The following CAST variants were observed in gnomAD, a reference collection of about 807,000 sequenced individuals.
The protein encoded by CAST is MIR583 host.
In CAST, 76 loss-of-function variants were observed where a neutral mutation model predicts 119.6. That is an observed-to-expected ratio of 0.64 (90% CI 0.53 to 0.77). The LOEUF is 0.77. CAST is among the 30% of genes least tolerant of loss of function. CAST has a pLI of 0.00. For synonymous variants in CAST, 319 were observed against 331.6 expected, an observed-to-expected ratio of 0.96 and a Z score of 0.41; for missense variants, 953 against 946.5, an observed-to-expected ratio of 1.01 and a Z score of -0.09.
chr5:96,478,818 T>C, the CAST span, among the ~76,000 whole-genome samples: 4 of 152,204 alleles, frequency 2.6e-5, no homozygotes, highest in Non-Finnish European at 5.9e-5. Flanking sequence ...GGCACTGACA[T>C]TGGAGCTCAA....
chr5:96,650,037 AG>A (rs537411659), intron 1 of CAST, among the ~76,000 whole-genome samples: 1 of 152,230 alleles, frequency 6.6e-6, no homozygotes, highest in Non-Finnish European at 1.5e-5. Context: ...GAAGAATCTG[AG>A]TCAGAGAGAT....
the CAST span, among the ~76,000 whole-genome samples, chr5:96,147,502 C>A: frequency 6.6e-6 from 1 of 152,108 alleles, no homozygotes; most frequent in African/African-American, 2.4e-5. Flanking sequence ...ACTCAGGAGG[C>A]TGAGGCAGGA....
chr5:96,532,098 G>A (rs1291916629), intron 1 of CAST, among the ~76,000 whole-genome samples: 4 of 152,060 alleles, frequency 2.6e-5, no homozygotes, highest in Non-Finnish European at 4.4e-5. Flanking sequence ...TCAAAATAAC[G>A]AAGTTAGACA....
the CAST span, among the ~76,000 whole-genome samples, chr5:96,171,833 TTGGTC>T: frequency 6.6e-6 from 1 of 152,214 alleles, no homozygotes; most frequent in Non-Finnish European, 1.5e-5. Flanking sequence ...CTTGGGCTGG[TTGGTC>T]TGAGGACCAG....
chr5:96,045,225 C>T, the CAST span, among the ~76,000 whole-genome samples: 5 of 152,084 alleles, frequency 3.3e-5, no homozygotes, highest in African/African-American at 9.6e-5. Context: ...TGGCGGCAGG[C>T]GCCTGTAATA....
intron 1 of CAST, among the ~76,000 whole-genome samples, chr5:96,599,972 A>AAAG (rs1747116954): frequency 7.0e-6 from 1 of 142,492 alleles, no homozygotes; most frequent in Non-Finnish European, 1.5e-5. Flanking sequence ...TAGGCAAAAA[A>AAAG]AAAAAAAAAA....
At chr5:96,523,464 A>T (rs1324617683), upstream of CAST, among the ~76,000 whole-genome samples, 1 of 152,058 alleles carries the variant, frequency 6.6e-6, no homozygotes, top group Non-Finnish European at 1.5e-5. Context: ...CCTCAGACTC[A>T]CCCCACTTGC....
chr5:96,542,436 C>G (rs996182527), intron 1 of CAST, among the ~76,000 whole-genome samples: 2 of 146,192 alleles, frequency 1.4e-5, no homozygotes, highest in East Asian at 4.2e-4. Context: ...CACATCCTCA[C>G]CAGCATTTGG....
the CAST span, among the ~76,000 whole-genome samples, chr5:96,420,393 T>A: frequency 8.5e-5 from 13 of 152,294 alleles, no homozygotes; most frequent in Admixed American, 1.3e-4. Context: ...TGCTGTAAGC[T>A]CTCGAAACAC....
the CAST span, among the ~76,000 whole-genome samples, chr5:96,087,926 A>G: frequency 6.6e-6 from 1 of 152,202 alleles, no homozygotes; most frequent in Non-Finnish European, 1.5e-5. Flanking sequence ...TTATAATAAC[A>G]TGTATCAAGC....
chr5:96,210,002 T>C, the CAST span: 1 of 151,990 alleles, frequency 6.6e-6, no homozygotes, highest in African/African-American at 2.4e-5. Flanking sequence ...AATCCCATAA[T>C]TCTCAGAGGT....
At chr5:96,618,197 G>C (rs921614477) in intron 1 of CAST, among the ~76,000 whole-genome samples, 5 of 152,208 alleles carry the variant, frequency 3.3e-5, no homozygotes, top group Non-Finnish European at 7.3e-5. Context: ...GAGCATCTTA[G>C]GATATTCTTG....
At chr5:96,587,153 A>G (rs2150190659) in intron 1 of CAST, among the ~76,000 whole-genome samples, 1 of 151,984 alleles carries the variant, frequency 6.6e-6, no homozygotes, top group East Asian at 1.9e-4. Context: ...AGAACCCCTC[A>G]TTTTCAATTC....
chr5:95,983,291 A>C, the CAST span, among the ~76,000 whole-genome samples: 1 of 152,130 alleles, frequency 6.6e-6, no homozygotes, highest in Non-Finnish European at 1.5e-5. Flanking sequence ...TTTTAACCTG[A>C]GTGGTTGTTG....
the CAST span, among the ~76,000 whole-genome samples, chr5:96,130,887 A>G: frequency 6.6e-6 from 1 of 152,118 alleles, no homozygotes; most frequent in Non-Finnish European, 1.5e-5. Flanking sequence ...TCCATTGCTT[A>G]CAAGCATGCA....
the CAST span, among the ~76,000 whole-genome samples, chr5:96,429,750 T>C: frequency 2.0e-5 from 3 of 152,180 alleles, no homozygotes; most frequent in Non-Finnish European, 2.9e-5. Flanking sequence ...AATAATGGCC[T>C]CCAGCTCCAT....
At chr5:96,514,946 C>G in the CAST span, among the ~76,000 whole-genome samples, 2 of 152,046 alleles carry the variant, frequency 1.3e-5, no homozygotes, top group African/African-American at 4.8e-5. Context: ...GGGACAGCAT[C>G]TTGCCATGTT....
At chr5:96,335,094 G>A in the CAST span, among the ~76,000 whole-genome samples, 1 of 152,074 alleles carries the variant, frequency 6.6e-6, no homozygotes, top group Non-Finnish European at 1.5e-5. Flanking sequence ...CTTTCCTCTT[G>A]CAGGGGTATG....
At chr5:96,454,825 C>G in the CAST span, among the ~76,000 whole-genome samples, 2 of 152,180 alleles carry the variant, frequency 1.3e-5, no homozygotes, top group African/African-American at 4.8e-5. Flanking sequence ...CAATAACCAT[C>G]AAAGATAATG....
Sources: allele counts gnomAD v4.1 joint callset (sites outside exome capture counted in the v4.1 genomes callset), GRCh38; gene constraint gnomAD v4.1.1; transcripts MANE v1.5; gene names NCBI Gene and HGNC (gene_info 2026-07-23, HGNC 2026-07-21).